The following SNTG2 variants were observed in gnomAD, a reference collection of about 807,000 sequenced individuals.
SNTG2 encodes gamma-2-syntrophin.
Under a neutral mutation model 70.9 loss-of-function variants are expected in SNTG2, and 74 were observed. That is an observed-to-expected ratio of 1.04 (90% CI 0.86 to 1.27). The LOEUF (loss-of-function observed/expected upper bound fraction) is 1.27. Among genes scored for constraint, SNTG2 ranks in the 50% most tolerant of loss-of-function variants. The probability of loss-of-function intolerance (pLI) is 0.00; values close to 1 mark genes in which losing one functional copy is unlikely to be tolerated. For synonymous variants in SNTG2, 278 were observed against 273.8 expected, an observed-to-expected ratio of 1.02 and a Z score of -0.15; for missense variants, 717 against 690.7, an observed-to-expected ratio of 1.04 and a Z score of -0.43.
At chr2:1,240,527 T>A (rs1231155278) in intron 11 of SNTG2, among the ~76,000 whole-genome samples, 1 of 152,246 alleles carries the variant, frequency 6.6e-6, no homozygotes, top group African/African-American at 2.4e-5. Context: ...TGGTTACATC[T>A]CTTAGGGGCG....
intron 16 of SNTG2, among the ~76,000 whole-genome samples, chr2:1,321,374 C>A (rs1054903061): frequency 2.0e-5 from 3 of 152,110 alleles, no homozygotes; most frequent in Admixed American, 1.3e-4. Flanking sequence ...TGAGAGTAAA[C>A]CCCACTGAAA....
At chr2:1,159,734 C>G (rs1005434938) in intron 6 of SNTG2, among the ~76,000 whole-genome samples, 1 of 151,932 alleles carries the variant, frequency 6.6e-6, no homozygotes, top group East Asian at 1.9e-4. Flanking sequence ...AATGAAGATG[C>G]GAATTTGTAG....
intron 6 of SNTG2, among the ~76,000 whole-genome samples, chr2:1,143,891 C>A (rs1337944699): frequency 1.4e-5 from 2 of 144,474 alleles, no homozygotes; most frequent in Non-Finnish European, 3.0e-5. Flanking sequence ...AACAACCCCC[C>A]CCCAGAAAAA....
At chr2:1,325,219 G>A (rs745723091) in intron 16 of SNTG2, among the ~76,000 whole-genome samples, 4 of 152,108 alleles carry the variant, frequency 2.6e-5, no homozygotes, top group Non-Finnish European at 5.9e-5. Flanking sequence ...TTGAACTTAT[G>A]CAAATAACTC....
chr2:1,333,995 G>T (rs1208148408), intron 16 of SNTG2, among the ~76,000 whole-genome samples: 1 of 152,194 alleles, frequency 6.6e-6, no homozygotes, highest in Non-Finnish European at 1.5e-5. Flanking sequence ...GATCAGCAGA[G>T]TGAACAGACA....
intron 1 of SNTG2, among the ~76,000 whole-genome samples, chr2:1,000,402 A>G (rs971902588): frequency 3.3e-5 from 5 of 151,908 alleles, no homozygotes; most frequent in African/African-American, 4.8e-5. Context: ...ACCAAGAAAA[A>G]AGATAAGATT....
intron 12 of SNTG2, among the ~76,000 whole-genome samples, chr2:1,254,412 A>G (rs996850390): frequency 6.6e-6 from 1 of 152,260 alleles, no homozygotes; most frequent in Non-Finnish European, 1.5e-5. Flanking sequence ...GTTTTCAAAC[A>G]TCATTAAAAT....
intron 6 of SNTG2, among the ~76,000 whole-genome samples, chr2:1,143,885 AC>A (rs72370046): frequency 2.3e-4 from 32 of 140,698 alleles, no homozygotes; most frequent in African/African-American, 4.2e-4. Context: ...ACAACAAACA[AC>A]CCCCCCCCAG....
intron 14 of SNTG2, among the ~76,000 whole-genome samples, chr2:1,273,726 A>G (rs753676757): frequency 1.3e-4 from 19 of 151,896 alleles, no homozygotes; most frequent in Non-Finnish European, 2.2e-4. Flanking sequence ...TAAACAGCAT[A>G]AAGTCTTTGT....
At chr2:1,012,425 G>A (rs983812373) in intron 1 of SNTG2, among the ~76,000 whole-genome samples, 3 of 152,220 alleles carry the variant, frequency 2.0e-5, no homozygotes, top group African/African-American at 7.2e-5. Context: ...AGCTGGGTGG[G>A]TGGGTAATGA....
intron 6 of SNTG2, among the ~76,000 whole-genome samples, chr2:1,147,064 A>G (rs951934009): frequency 1.3e-5 from 2 of 152,254 alleles, no homozygotes; most frequent in Non-Finnish European, 1.5e-5. Context: ...TTAACTTTAT[A>G]TAATAGCATT....
chr2:1,266,638 T>C (rs1174290379), intron 13 of SNTG2, among the ~76,000 whole-genome samples: 1 of 151,846 alleles, frequency 6.6e-6, no homozygotes, highest in Non-Finnish European at 1.5e-5. Context: ...AGTAATTCTA[T>C]AGAGACTCGG....
chr2:1,271,814 G>T (rs1033302811), intron 14 of SNTG2, among the ~76,000 whole-genome samples: 1 of 152,146 alleles, frequency 6.6e-6, no homozygotes, highest in Non-Finnish European at 1.5e-5. Flanking sequence ...TACTCGTCTA[G>T]GGAATGCCAT....
intron 1 of SNTG2, among the ~76,000 whole-genome samples, chr2:954,789 T>C (rs6711878): frequency 0.51 from 78,119 of 152,106 alleles, 20,613 homozygotes; most frequent in African/African-American, 0.57. Context: ...GGGACCGTGC[T>C]GCTTCTTCAC....
chr2:1,146,628 T>C (rs1669126427), intron 6 of SNTG2, among the ~76,000 whole-genome samples: 1 of 152,222 alleles, frequency 6.6e-6, no homozygotes, highest in Non-Finnish European at 1.5e-5. Flanking sequence ...GGCTTGACAC[T>C]TCCTGATTAT....
chr2:1,272,793 G>C (rs886247936), intron 14 of SNTG2, among the ~76,000 whole-genome samples: 1 of 149,776 alleles, frequency 6.7e-6, no homozygotes. Context: ...GGTGCAGAAA[G>C]GACACCCCAG....
intron 1 of SNTG2, among the ~76,000 whole-genome samples, chr2:977,585 C>T (rs568353573): frequency 3.3e-5 from 5 of 152,310 alleles, no homozygotes; most frequent in African/African-American, 1.2e-4. Flanking sequence ...CACTTGGGAA[C>T]CTTTGCCATC....
At chr2:983,901 G>A (rs1365305530) in intron 1 of SNTG2, among the ~76,000 whole-genome samples, 1 of 152,218 alleles carries the variant, frequency 6.6e-6, no homozygotes, top group Non-Finnish European at 1.5e-5. Context: ...CCTGGCCATT[G>A]CCACTTGGGA....
At chr2:1,196,599 A>T (rs1057292500) in intron 8 of SNTG2, among the ~76,000 whole-genome samples, 1 of 152,192 alleles carries the variant, frequency 6.6e-6, no homozygotes, top group African/African-American at 2.4e-5. Flanking sequence ...AAAGTAAAAG[A>T]TAAAAAGAGA....
Sources: allele counts gnomAD v4.1 joint callset (sites outside exome capture counted in the v4.1 genomes callset), GRCh38; gene constraint gnomAD v4.1.1; transcripts MANE v1.5; gene names NCBI Gene and HGNC (gene_info 2026-07-23, HGNC 2026-07-21).